Variants in ARB2A observed in about 807,000 individuals in gnomAD.
The protein encoded by ARB2A is cotranscriptional regulator ARB2A.
At chr5:93,726,524 GAGAA>G in the ARB2A span, among the ~76,000 whole-genome samples, 2 of 152,084 alleles carry the variant, frequency 1.3e-5, no homozygotes, top group Non-Finnish European at 2.9e-5. Flanking sequence ...CCCTTTCTGT[GAGAA>G]AGAAAGAATG....
chr5:94,084,274 CAAAAAAAA>C, the ARB2A span, among the ~76,000 whole-genome samples: 7 of 73,102 alleles, frequency 9.6e-5, no homozygotes, highest in East Asian at 1.5e-3. Context: ...AACTTCATCT[CAAAAAAAA>C]AAAAAAAAAA....
the ARB2A span, among the ~76,000 whole-genome samples, chr5:93,907,903 G>A: frequency 6.6e-6 from 1 of 151,148 alleles, no homozygotes; most frequent in Non-Finnish European, 1.5e-5. Context: ...TCTTTAGTAG[G>A]ATAAGCTTTC....
At chr5:93,892,590 G>A in the ARB2A span, among the ~76,000 whole-genome samples, 45 of 151,996 alleles carry the variant, frequency 3.0e-4, no homozygotes, top group Non-Finnish European at 5.6e-4. Flanking sequence ...ACCTCTGGGG[G>A]GGGGAAAACC....
chr5:94,077,138 G>A, the ARB2A span, among the ~76,000 whole-genome samples: 1 of 152,020 alleles, frequency 6.6e-6, no homozygotes, highest in African/African-American at 2.4e-5. Context: ...ACTTTCGGAG[G>A]CTGAGGCAAG....
the ARB2A span, among the ~76,000 whole-genome samples, chr5:93,779,090 AGTGTGTGT>A: frequency 1.7e-3 from 248 of 143,446 alleles, no homozygotes; most frequent in African/African-American, 5.6e-3. Flanking sequence ...GTCATTTCAG[AGTGTGTGT>A]GTGTGTGTGT....
At chr5:93,761,638 T>C in the ARB2A span, among the ~76,000 whole-genome samples, 9 of 152,270 alleles carry the variant, frequency 5.9e-5, no homozygotes, top group African/African-American at 2.2e-4. Context: ...GGGCAGGGCA[T>C]TGCAAAACAA....
chr5:94,041,073 C>T, the ARB2A span, among the ~76,000 whole-genome samples: 1 of 152,038 alleles, frequency 6.6e-6, no homozygotes. Context: ...AGTCAGACTT[C>T]TGGCCTCTCT....
At chr5:93,738,009 T>C in the ARB2A span, 1 of 413,538 alleles carries the variant, frequency 2.4e-6, no homozygotes, top group East Asian at 7.3e-5. Flanking sequence ...CATCAAAAGA[T>C]ACAGTCAAAA....
chr5:93,980,848 ATTTAT>A, the ARB2A span, among the ~76,000 whole-genome samples: 3 of 152,096 alleles, frequency 2.0e-5, no homozygotes, highest in African/African-American at 7.2e-5. Context: ...CATTTTAAAT[ATTTAT>A]TTTAAGGTCT....
the ARB2A span, among the ~76,000 whole-genome samples, chr5:93,821,312 G>A: frequency 6.6e-6 from 1 of 152,070 alleles, no homozygotes; most frequent in Non-Finnish European, 1.5e-5. Flanking sequence ...AAATGTGTGT[G>A]TTTGTGTGTG....
At chr5:94,089,594 T>C in the ARB2A span, among the ~76,000 whole-genome samples, 21 of 135,658 alleles carry the variant, frequency 1.5e-4, no homozygotes, top group Admixed American at 2.3e-4. Flanking sequence ...AAACCGTTTA[T>C]ACACACACAC....
the ARB2A span, among the ~76,000 whole-genome samples, chr5:93,840,276 A>C: frequency 6.6e-6 from 1 of 152,190 alleles, no homozygotes; most frequent in East Asian, 1.9e-4. Flanking sequence ...TCAAGGCTAC[A>C]TTACTGGTCA....
chr5:93,821,832 C>G, the ARB2A span, among the ~76,000 whole-genome samples: 1 of 151,862 alleles, frequency 6.6e-6, no homozygotes, highest in Non-Finnish European at 1.5e-5. Flanking sequence ...AGGTCAGGAA[C>G]CAGTCTTTAT....
At chr5:93,710,490 A>C in the ARB2A span, among the ~76,000 whole-genome samples, 42 of 152,328 alleles carry the variant, frequency 2.8e-4, no homozygotes, top group African/African-American at 7.9e-4. Context: ...GAAAATACTA[A>C]GTGATATTTG....
chr5:93,947,639 T>A, the ARB2A span, among the ~76,000 whole-genome samples: 2 of 148,246 alleles, frequency 1.3e-5, no homozygotes, highest in African/African-American at 4.9e-5. Flanking sequence ...TAGCATTAGG[T>A]ATATCTCCTA....
At chr5:93,675,524 A>G in the ARB2A span, among the ~76,000 whole-genome samples, 2 of 152,244 alleles carry the variant, frequency 1.3e-5, no homozygotes, top group African/African-American at 2.4e-5. Flanking sequence ...TGAAAAAACA[A>G]AAACCTCACT....
At chr5:93,855,623 T>A in the ARB2A span, among the ~76,000 whole-genome samples, 1 of 152,156 alleles carries the variant, frequency 6.6e-6, no homozygotes, top group Non-Finnish European at 1.5e-5. Flanking sequence ...TGTTTAGTGC[T>A]TCCTTCAGGA....
At chr5:94,048,946 G>T in the ARB2A span, among the ~76,000 whole-genome samples, 1 of 152,050 alleles carries the variant, frequency 6.6e-6, no homozygotes, top group Non-Finnish European at 1.5e-5. Context: ...TTGTCTCCCA[G>T]GAAATGATAT....
the ARB2A span, among the ~76,000 whole-genome samples, chr5:94,088,814 T>G: frequency 1.3e-5 from 2 of 152,186 alleles, no homozygotes; most frequent in Non-Finnish European, 2.9e-5. Context: ...AGAAATTAAA[T>G]TTTTTAAAAT....
Sources: gnomAD v4.1 joint callset for allele counts (sites outside exome capture counted in the v4.1 genomes callset) on GRCh38, gnomAD v4.1.1 for gene constraint, MANE v1.5 for transcripts, NCBI Gene and HGNC (gene_info 2026-07-23, HGNC 2026-07-21) for gene names.